PARD3: variants seen among roughly 807,000 people sequenced by gnomAD.
PARD3 encodes the protein par-3 family cell polarity regulator.
In PARD3, 75 loss-of-function variants were observed where a neutral mutation model predicts 155.4. The ratio of observed to expected loss-of-function variants is 0.48; its 90% confidence interval spans 0.40 to 0.58. The LOEUF (loss-of-function observed/expected upper bound fraction) is 0.58. Among genes scored for constraint, PARD3 ranks in the 20% least tolerant of loss-of-function variants. PARD3 has a pLI of 0.00. For synonymous variants in PARD3, 576 were observed against 610.5 expected (o/e 0.94, Z 0.83); for missense variants, 1,642 against 1,721.7 (o/e 0.95, Z 0.82).
intron 2 of PARD3, among the ~76,000 whole-genome samples, chr10:34,607,914 T>C (rs1010711289): frequency 6.6e-6 from 1 of 152,194 alleles, no homozygotes; most frequent in African/African-American, 2.4e-5. Context: ...CTCCCATTTA[T>C]GTATTTATTT....
At chr10:34,343,763 T>A (rs1186083826) in intron 15 of PARD3, 4 of 984,948 alleles carry the variant, frequency 4.1e-6, no homozygotes, top group Non-Finnish European at 4.8e-6. Flanking sequence ...AGGCTTCAAT[T>A]TATTTCTGAT....
intron 2 of PARD3, among the ~76,000 whole-genome samples, chr10:34,625,571 T>G (rs1172333223): frequency 6.6e-6 from 1 of 152,082 alleles, no homozygotes; most frequent in African/African-American, 2.4e-5. Flanking sequence ...AGTGGAGGGT[T>G]TTCGACTTGA....
chr10:34,155,871 G>A (rs1948982457), intron 22 of PARD3, among the ~76,000 whole-genome samples: 1 of 152,138 alleles, frequency 6.6e-6, no homozygotes, highest in Non-Finnish European at 1.5e-5. Flanking sequence ...GGAGGCAGAT[G>A]CAACACGGTC....
intron 22 of PARD3, among the ~76,000 whole-genome samples, chr10:34,203,918 T>G (rs957321847): frequency 1.3e-5 from 2 of 152,210 alleles, no homozygotes; most frequent in African/African-American, 4.8e-5. Flanking sequence ...TTGGGAGATA[T>G]CTAATGTCTT....
intron 2 of PARD3, among the ~76,000 whole-genome samples, chr10:34,639,912 G>C (rs539350465): frequency 6.6e-6 from 1 of 152,194 alleles, no homozygotes; most frequent in African/African-American, 2.4e-5. Context: ...ACCTCGCAGA[G>C]TGTTATGAGA....
chr10:34,789,328 T>A (rs992118585), intron 1 of PARD3, among the ~76,000 whole-genome samples: 1 of 152,288 alleles, frequency 6.6e-6, no homozygotes, highest in Admixed American at 6.5e-5. Context: ...TTGCGAGACA[T>A]GGGAAGACAC....
At chr10:34,547,511 T>A (rs1178147374) in intron 2 of PARD3, among the ~76,000 whole-genome samples, 1 of 152,212 alleles carries the variant, frequency 6.6e-6, no homozygotes, top group Non-Finnish European at 1.5e-5. Context: ...TCGTCGAGAT[T>A]TATTACGTTG....
intron 20 of PARD3, among the ~76,000 whole-genome samples, chr10:34,292,111 T>C (rs1420547256): frequency 6.6e-6 from 1 of 152,164 alleles, no homozygotes; most frequent in Non-Finnish European, 1.5e-5. Flanking sequence ...TGTGCTGACA[T>C]ATGCAAATAC....
chr10:34,726,196 C>G (rs1486446293), intron 1 of PARD3, among the ~76,000 whole-genome samples: 1 of 152,232 alleles, frequency 6.6e-6, no homozygotes, highest in African/African-American at 2.4e-5. Flanking sequence ...TGGCTCATGC[C>G]TGTAACCCCA....
At chr10:34,553,534 T>C (rs931492552) in intron 2 of PARD3, among the ~76,000 whole-genome samples, 3 of 152,144 alleles carry the variant, frequency 2.0e-5, no homozygotes, top group African/African-American at 2.4e-5. Flanking sequence ...GATAAACAGA[T>C]GAGAAAACTG....
chr10:34,522,736 G>A (rs1337632896), intron 2 of PARD3, among the ~76,000 whole-genome samples: 2 of 152,136 alleles, frequency 1.3e-5, no homozygotes, highest in African/African-American at 2.4e-5. Flanking sequence ...TTCCACAGAC[G>A]CTCTACATCC....
At chr10:34,516,036 A>C (rs1213135856) in intron 3 of PARD3, among the ~76,000 whole-genome samples, 1 of 151,834 alleles carries the variant, frequency 6.6e-6, no homozygotes, top group East Asian at 1.9e-4. Context: ...GGTTCACTGC[A>C]ACCTCCATCT....
At chr10:34,610,551 T>C (rs2090809070) in intron 2 of PARD3, among the ~76,000 whole-genome samples, 1 of 152,190 alleles carries the variant, frequency 6.6e-6, no homozygotes, top group South Asian at 2.1e-4. Flanking sequence ...AAAATAAGCA[T>C]GCCTGTAACC....
At chr10:34,751,944 CTCTT>C (rs1307627933) in intron 1 of PARD3, among the ~76,000 whole-genome samples, 8 of 152,016 alleles carry the variant, frequency 5.3e-5, no homozygotes, top group Non-Finnish European at 1.0e-4. Flanking sequence ...AATTGTGAGC[CTCTT>C]TCTTTAGCCT....
chr10:34,518,158 C>A (rs528290960), intron 2 of PARD3, among the ~76,000 whole-genome samples: 2 of 152,192 alleles, frequency 1.3e-5, no homozygotes, highest in African/African-American at 4.8e-5. Flanking sequence ...GGATTACAGG[C>A]GTGAGCCACT....
At chr10:34,219,699 T>C (rs1237031714) in intron 22 of PARD3, among the ~76,000 whole-genome samples, 6 of 152,328 alleles carry the variant, frequency 3.9e-5, no homozygotes, top group South Asian at 4.1e-4. Context: ...GATTTAAATA[T>C]CACCTGTAAA....
At chr10:34,383,073 G>C in intron 8 of PARD3, 151 bp from the exon 9 acceptor site, 2 of 737,922 alleles carry the variant, frequency 2.7e-6, no homozygotes, top group Middle Eastern at 3.1e-4. Flanking sequence ...TATCAATCAA[G>C]TTTGCAGCTC....
intron 1 of PARD3, among the ~76,000 whole-genome samples, chr10:34,706,665 G>A (rs1184967123): frequency 1.3e-5 from 2 of 152,182 alleles, no homozygotes; most frequent in African/African-American, 2.4e-5. Flanking sequence ...GGAGGCTGAG[G>A]CATGAGGATC....
At chr10:34,286,674 C>T (rs1359981335) in intron 20 of PARD3, among the ~76,000 whole-genome samples, 2 of 152,162 alleles carry the variant, frequency 1.3e-5, no homozygotes, top group African/African-American at 4.8e-5. Context: ...AGAGCAGCAT[C>T]AGGGGGCAGA....
Sources: allele counts gnomAD v4.1 joint callset (sites outside exome capture counted in the v4.1 genomes callset), GRCh38; gene constraint gnomAD v4.1.1; transcripts MANE v1.5; gene names NCBI Gene and HGNC (gene_info 2026-07-23, HGNC 2026-07-21).